Variants in OTUD7A observed in about 807,000 individuals in gnomAD.
The protein encoded by OTUD7A is OTU domain-containing protein 7A.
Under a neutral mutation model 65.7 loss-of-function variants are expected in OTUD7A, and 12 were observed. That is an observed-to-expected ratio of 0.18 (90% CI 0.12 to 0.30). The LOEUF is 0.30. Ranked by LOEUF, OTUD7A falls within the 10% of genes least tolerant of loss-of-function variation. The pLI is 1.00. For synonymous variants in OTUD7A, 641 were observed against 586.3 expected, an observed-to-expected ratio of 1.09 and a Z score of -1.35; for missense variants, 1,148 against 1,304.8, an observed-to-expected ratio of 0.88 and a Z score of 1.85.
intron 1 of OTUD7A, among the ~76,000 whole-genome samples, chr15:31,724,744 C>T (rs1239812731): frequency 6.6e-6 from 1 of 152,238 alleles, no homozygotes; most frequent in East Asian, 1.9e-4. Context: ...ACCATCCAGC[C>T]TTTACCTGAA....
chr15:31,856,979 C>T (rs761161620), intron 1 of OTUD7A, among the ~76,000 whole-genome samples: 3 of 152,162 alleles, frequency 2.0e-5, no homozygotes, highest in Non-Finnish European at 2.9e-5. Flanking sequence ...AGTTGACGGC[C>T]GGCAAACGCC....
At chr15:31,800,681 G>A (rs1896097368) in intron 1 of OTUD7A, among the ~76,000 whole-genome samples, 1 of 152,180 alleles carries the variant, frequency 6.6e-6, no homozygotes, top group South Asian at 2.1e-4. Flanking sequence ...CTGGGTTACA[G>A]AGCTTCTCAC....
At chr15:31,579,543 T>C (rs1437432202) in intron 3 of OTUD7A, among the ~76,000 whole-genome samples, 1 of 152,196 alleles carries the variant, frequency 6.6e-6, no homozygotes, top group African/African-American at 2.4e-5. Flanking sequence ...CAGAGTGAGA[T>C]TTCATCATGC....
intron 3 of OTUD7A, among the ~76,000 whole-genome samples, chr15:31,617,131 C>A (rs1328078004): frequency 6.6e-6 from 1 of 152,150 alleles, no homozygotes; most frequent in Non-Finnish European, 1.5e-5. Context: ...TTTAATGGAA[C>A]AGACGACAAA....
chr15:31,797,266 T>C (rs1895991084), intron 1 of OTUD7A, among the ~76,000 whole-genome samples: 2 of 152,150 alleles, frequency 1.3e-5, no homozygotes, highest in African/African-American at 4.8e-5. Context: ...TTTTCTCGCT[T>C]AGGATGGCTG....
At chr15:31,542,940 A>G (rs1009438192) in intron 5 of OTUD7A, among the ~76,000 whole-genome samples, 16 of 151,998 alleles carry the variant, frequency 1.1e-4, no homozygotes, top group African/African-American at 3.6e-4. Context: ...TAAGACTAAC[A>G]AAAACTGAGA....
intron 3 of OTUD7A, among the ~76,000 whole-genome samples, chr15:31,639,017 G>A (rs34932530): frequency 0.18 from 27,029 of 151,862 alleles, 2,608 homozygotes; most frequent in East Asian, 0.25. Flanking sequence ...GCCTGTAGTC[G>A]CAGCTACTCG....
chr15:31,616,923 T>C (rs1397070274), intron 3 of OTUD7A, among the ~76,000 whole-genome samples: 1 of 152,138 alleles, frequency 6.6e-6, no homozygotes, highest in Non-Finnish European at 1.5e-5. Flanking sequence ...GTACTTACTA[T>C]CTGTCCTGCC....
At chr15:31,837,540 C>T (rs1404539375) in intron 1 of OTUD7A, among the ~76,000 whole-genome samples, 4 of 150,988 alleles carry the variant, frequency 2.6e-5, no homozygotes, top group Non-Finnish European at 2.9e-5. Flanking sequence ...AGCAAGACTC[C>T]ATCTCAAAAA....
chr15:31,652,133 C>T (rs1476035267), intron 3 of OTUD7A, among the ~76,000 whole-genome samples: 1 of 151,800 alleles, frequency 6.6e-6, no homozygotes, highest in Non-Finnish European at 1.5e-5. Context: ...GATAAAAGAA[C>T]AGACATAATG....
At chr15:31,841,495 C>T (rs1217918003) in intron 1 of OTUD7A, among the ~76,000 whole-genome samples, 1 of 152,148 alleles carries the variant, frequency 6.6e-6, no homozygotes, top group African/African-American at 2.4e-5. Flanking sequence ...TACATAGTCA[C>T]TTCCCTTACT....
At chr15:31,600,160 C>T (rs561164986) in intron 3 of OTUD7A, among the ~76,000 whole-genome samples, 69 of 152,090 alleles carry the variant, frequency 4.5e-4, no homozygotes, top group Non-Finnish European at 8.4e-4. Flanking sequence ...AGATACTCCT[C>T]GAGAAGAGCA....
chr15:31,767,996 C>T, intron 1 of OTUD7A: 11 of 1,589,386 alleles, frequency 6.9e-6, no homozygotes, highest in Non-Finnish European at 8.6e-6. Flanking sequence ...CAGTTGTTGC[C>T]TTGTAACTTC....
chr15:31,684,708 T>G (rs955504123), intron 1 of OTUD7A, among the ~76,000 whole-genome samples: 1 of 143,532 alleles, frequency 7.0e-6, no homozygotes. Context: ...GTGAGAAGAG[T>G]CAGAGAGAGC....
At chr15:31,614,977 G>A (rs1040957855) in intron 3 of OTUD7A, among the ~76,000 whole-genome samples, 22 of 152,116 alleles carry the variant, frequency 1.4e-4, no homozygotes, top group African/African-American at 3.4e-4. Context: ...AACCTCTATC[G>A]TAACTACCAA....
chr15:31,812,591 C>A (rs919393521), intron 1 of OTUD7A, among the ~76,000 whole-genome samples: 27 of 152,150 alleles, frequency 1.8e-4, no homozygotes, highest in African/African-American at 6.5e-4. Flanking sequence ...AGACCTGCCT[C>A]ATGGAATGCC....
At chr15:31,547,008 G>A (rs2141140926) in intron 5 of OTUD7A, among the ~76,000 whole-genome samples, 1 of 152,284 alleles carries the variant, frequency 6.6e-6, no homozygotes, top group East Asian at 1.9e-4. Flanking sequence ...CTTATGATTT[G>A]CACACTTTCC....
At chr15:31,869,258 G>C (rs1409481789) in intron 1 of OTUD7A, among the ~76,000 whole-genome samples, 1 of 152,202 alleles carries the variant, frequency 6.6e-6, no homozygotes, top group African/African-American at 2.4e-5. Context: ...GTCTTGAAGA[G>C]GCCTTTGAAG....
chr15:31,754,402 C>T (rs1311680776), intron 1 of OTUD7A, among the ~76,000 whole-genome samples: 2 of 152,166 alleles, frequency 1.3e-5, no homozygotes, highest in African/African-American at 2.4e-5. Context: ...ATTGCATTTG[C>T]TTTTGGGCTC....
Sources: allele counts gnomAD v4.1 joint callset (sites outside exome capture counted in the v4.1 genomes callset), GRCh38; gene constraint gnomAD v4.1.1; transcripts MANE v1.5; gene names NCBI Gene and HGNC (gene_info 2026-07-23, HGNC 2026-07-21).